The following RGPD2 variants were observed in gnomAD, a reference collection of about 807,000 sequenced individuals.
RGPD2 encodes the protein RANBP2 like and GRIP domain containing 2.
A neutral mutation model predicts 36.0 loss-of-function variants in RGPD2; 2 were observed. That is an observed-to-expected ratio of 0.06 (90% confidence interval 0.02 to 0.17). The LOEUF (loss-of-function observed/expected upper bound fraction) is 0.17, where lower values mean the gene tolerates loss of function less well. Ranked by LOEUF, RGPD2 falls within the 10% of genes least tolerant of loss-of-function variation. The pLI, the probability that RGPD2 is intolerant of heterozygous loss-of-function variation, is 1.00. For missense variants in RGPD2, 40 were observed against 464.3 expected (o/e 0.09, Z 8.40); for synonymous variants, 19 against 163.8 (o/e 0.12, Z 6.75).
the RGPD2 span, among the ~76,000 whole-genome samples, chr2:87,915,695 A>G: frequency 4.8e-5 from 7 of 147,212 alleles, no homozygotes; most frequent in African/African-American, 1.8e-4. Context: ...ACCATATTCC[A>G]CTATCTCCAA....
chr2:87,809,265 A>C (rs1423338167), intron 6 of RGPD2, among the ~76,000 whole-genome samples: 1 of 150,564 alleles, frequency 6.6e-6, no homozygotes, highest in African/African-American at 2.4e-5. Flanking sequence ...AGATGGCGCC[A>C]CTGCACTCCA....
intron 1 of RGPD2, chr2:87,825,226 C>G (rs929709135): frequency 2.5e-6 from 1 of 395,278 alleles, no homozygotes; most frequent in Non-Finnish European, 4.5e-6. Context: ...CAACAACCGA[C>G]TAATTACCAC....
the RGPD2 span, among the ~76,000 whole-genome samples, chr2:87,879,401 ATT>A: frequency 1.4e-5 from 2 of 145,500 alleles, no homozygotes; most frequent in Non-Finnish European, 3.0e-5. Context: ...CATTCTTTCT[ATT>A]TTTTTTTCTT....
chr2:87,905,358 A>G, the RGPD2 span, among the ~76,000 whole-genome samples: 1 of 152,272 alleles, frequency 6.6e-6, no homozygotes, highest in African/African-American at 2.4e-5. Context: ...GGCCTACTGA[A>G]AGCAGGAAAG....
At chr2:87,860,603 C>A in the RGPD2 span, among the ~76,000 whole-genome samples, 1 of 150,930 alleles carries the variant, frequency 6.6e-6, no homozygotes, top group Non-Finnish European at 1.5e-5. Context: ...GGAAGCAGAC[C>A]CTCCAAATTA....
At chr2:87,830,854 T>C in the RGPD2 span, among the ~76,000 whole-genome samples, 3 of 152,080 alleles carry the variant, frequency 2.0e-5, no homozygotes, top group Non-Finnish European at 4.4e-5. Flanking sequence ...ATGATTCAAT[T>C]ACTTCCTGCT....
intron 20 of RGPD2, among the ~76,000 whole-genome samples, chr2:87,775,559 CAA>C (rs1685231745): frequency 6.6e-6 from 1 of 151,692 alleles, no homozygotes; most frequent in South Asian, 2.1e-4. Flanking sequence ...TCAGAAATCA[CAA>C]AGTCAAATTG....
the RGPD2 span, among the ~76,000 whole-genome samples, chr2:87,834,407 A>G: frequency 6.6e-6 from 1 of 152,098 alleles, no homozygotes; most frequent in Non-Finnish European, 1.5e-5. Flanking sequence ...CAAGAATTAA[A>G]GCTCTCCTTA....
At chr2:87,939,543 A>G in the RGPD2 span, among the ~76,000 whole-genome samples, 7 of 151,988 alleles carry the variant, frequency 4.6e-5, no homozygotes, top group African/African-American at 7.2e-5. Context: ...GATTGGAAAC[A>G]CATGCTGTGT....
the RGPD2 span, among the ~76,000 whole-genome samples, chr2:87,857,762 C>A: frequency 6.8e-6 from 1 of 147,090 alleles, no homozygotes; most frequent in South Asian, 2.1e-4. Context: ...CACGGTGAAA[C>A]CCCATCTCTA....
chr2:87,984,849 G>A, the RGPD2 span, among the ~76,000 whole-genome samples: 1 of 150,480 alleles, frequency 6.6e-6, no homozygotes, highest in African/African-American at 2.5e-5. Flanking sequence ...AAAATGGCAT[G>A]AACCCAGGAG....
the RGPD2 span, among the ~76,000 whole-genome samples, chr2:87,988,064 A>G: frequency 6.6e-6 from 1 of 152,160 alleles, no homozygotes; most frequent in East Asian, 1.9e-4. Flanking sequence ...TAAAATGAAA[A>G]AGTCATTCTT....
the RGPD2 span, among the ~76,000 whole-genome samples, chr2:87,984,192 A>G: frequency 1.3e-5 from 2 of 151,634 alleles, no homozygotes; most frequent in African/African-American, 4.9e-5. Context: ...AAGCTGGCAA[A>G]GGTTCACCAC....
chr2:87,956,608 C>A, the RGPD2 span, among the ~76,000 whole-genome samples: 1 of 25,476 alleles, frequency 3.9e-5, no homozygotes, highest in African/African-American at 7.4e-5. Flanking sequence ...CCAGAAACTC[C>A]ATTCCAGACT....
chr2:87,844,830 G>A, the RGPD2 span, among the ~76,000 whole-genome samples: 67 of 138,566 alleles, frequency 4.8e-4, no homozygotes, highest in African/African-American at 1.7e-3. Context: ...TCATTTATAA[G>A]GAAATTATTG....
chr2:87,989,764 A>G, the RGPD2 span: 23 of 1,071,600 alleles, frequency 2.1e-5, no homozygotes, highest in South Asian at 1.8e-4. Flanking sequence ...TGGAAAGTAC[A>G]ATCCTCATTA....
chr2:87,847,428 G>C, the RGPD2 span, among the ~76,000 whole-genome samples: 1 of 151,352 alleles, frequency 6.6e-6, no homozygotes. Context: ...AAAGTATGGA[G>C]ATATTTCAGT....
chr2:87,824,860 G>GC (rs1351932960), intron 1 of RGPD2: 2 of 54,758 alleles, frequency 3.7e-5, no homozygotes, highest in East Asian at 7.3e-4. Context: ...GGCCGAGGCC[G>GC]AGGCCGCCGC....
the RGPD2 span, chr2:87,989,569 A>G: frequency 2.4e-6 from 1 of 415,554 alleles, no homozygotes; most frequent in Non-Finnish European, 4.2e-6. Flanking sequence ...AGTGCCAAAA[A>G]ATGACACAAT....
Sources: allele counts gnomAD v4.1 joint callset (sites outside exome capture counted in the v4.1 genomes callset), GRCh38; gene constraint gnomAD v4.1.1; transcripts MANE v1.5; gene names NCBI Gene and HGNC (gene_info 2026-07-23, HGNC 2026-07-21).